The following CDH13 variants were observed in gnomAD, a reference collection of about 807,000 sequenced individuals.
The protein encoded by CDH13 is cadherin 13, also known as cadherin-13.
Under a neutral mutation model 63.8 loss-of-function variants are expected in CDH13, and 24 were observed. The ratio of observed to expected loss-of-function variants is 0.38; its 90% CI spans 0.27 to 0.53. The LOEUF is 0.53. Ranked by LOEUF, CDH13 falls within the 20% of genes least tolerant of loss-of-function variation. CDH13 has a pLI of 0.85. For synonymous variants in CDH13, 503 were observed against 355.3 expected, an observed-to-expected ratio of 1.42 and a Z score of -4.67; for missense variants, 1,049 against 903.1, an observed-to-expected ratio of 1.16 and a Z score of -2.07.
intron 3 of CDH13, among the ~76,000 whole-genome samples, chr16:83,112,523 A>C (rs1480987686): frequency 1.3e-5 from 2 of 152,224 alleles, no homozygotes. Flanking sequence ...TAGGAGTTAG[A>C]AGAAATAGCC....
intron 5 of CDH13, among the ~76,000 whole-genome samples, chr16:83,293,523 C>A (rs1317878999): frequency 1.3e-5 from 2 of 152,160 alleles, no homozygotes; most frequent in Non-Finnish European, 2.9e-5. Context: ...AGAATGTCGT[C>A]ATCTTTATAG....
At chr16:83,561,623 ATTT>A (rs1177010034) in intron 7 of CDH13, among the ~76,000 whole-genome samples, 3 of 152,196 alleles carry the variant, frequency 2.0e-5, no homozygotes, top group Non-Finnish European at 4.4e-5. Flanking sequence ...AAATTCATGT[ATTT>A]TCTACAATGA....
intron 3 of CDH13, among the ~76,000 whole-genome samples, chr16:83,053,821 C>T (rs190726341): frequency 6.2e-4 from 94 of 152,250 alleles, no homozygotes; most frequent in Non-Finnish European, 1.2e-3. Context: ...AGCAGCCCCC[C>T]TTATCTATGG....
chr16:83,421,560 A>G lies in CDH13; in HGVS notation c.782-64917A>G, dbSNP rs1038649766. Reference sequence around the variant, plus strand: ...AAATGAAATGAGATGAGAGTGGGCAATGGAGAGAAGATTCATGATCTTTTC... The same window carrying G: ...AAATGAAATGAGATGAGAGTGGGCAGTGGAGAGAAGATTCATGATCTTTTC... On this transcript the variant is annotated intron_variant, in intron 6 of 13. Coordinates refer to ENST00000567109, the MANE Select transcript of CDH13 (RefSeq NM_001257.5). Among the ~76,000 whole-genome samples, 8 of 152,354 alleles carry G rather than the reference A, an allele frequency of 5.3e-5. 1 individual carries two copies. The highest frequency in any genetic ancestry group is 5.2e-4 in the Admixed American group (8 of 15,302).
At chr16:83,466,294 A>G (rs1250567152) in intron 6 of CDH13, among the ~76,000 whole-genome samples, 1 of 152,246 alleles carries the variant, frequency 6.6e-6, no homozygotes, top group Non-Finnish European at 1.5e-5. Flanking sequence ...GCTGAAGAAG[A>G]GACCCAGAGC....
chr16:83,644,677 C>T lies in CDH13; in HGVS notation c.1102-26113C>T, dbSNP rs547695771. On this transcript the variant is annotated intron_variant, in intron 8 of 13. Coordinates refer to ENST00000567109, the MANE Select transcript of CDH13 (RefSeq NM_001257.5). Reference sequence around the variant, plus strand: ...CCATACAGAGGATGAGGTTCATGGTCCAGAAACGCATCTGGTACTCAAGCG... The same window carrying T: ...CCATACAGAGGATGAGGTTCATGGTTCAGAAACGCATCTGGTACTCAAGCG... Among the ~76,000 whole-genome samples, 17 of 152,300 alleles carry T rather than the reference C, an allele frequency of 1.1e-4. No individual in the cohort carries two copies. The South Asian group carries it at 3.5e-3, about 32-fold the overall frequency.
chr16:83,402,457 C>A (rs915644184), intron 6 of CDH13, among the ~76,000 whole-genome samples: 1 of 152,202 alleles, frequency 6.6e-6, no homozygotes, highest in Non-Finnish European at 1.5e-5. Flanking sequence ...ACTGCATTTA[C>A]CAATCCACAG....
At chr16:83,007,915 C>T (rs1020194219) in intron 2 of CDH13, among the ~76,000 whole-genome samples, 1 of 151,884 alleles carries the variant, frequency 6.6e-6, no homozygotes, top group Non-Finnish European at 1.5e-5. Context: ...CTATACTTGG[C>T]CAAACAACAT....
intron 6 of CDH13, among the ~76,000 whole-genome samples, chr16:83,477,884 T>TA (rs1004877664): frequency 2.5e-4 from 38 of 152,162 alleles, no homozygotes; most frequent in African/African-American, 9.2e-4. Flanking sequence ...CACCTTTTCT[T>TA]AAAAAATCAA....
At chr16:82,683,081 C>A (rs947812084) in intron 1 of CDH13, among the ~76,000 whole-genome samples, 2 of 152,140 alleles carry the variant, frequency 1.3e-5, no homozygotes. Context: ...CAGCTTAAAA[C>A]TAGGGGTTGT....
At chr16:83,439,698 G>A (rs2072427879) in intron 6 of CDH13, among the ~76,000 whole-genome samples, 1 of 152,196 alleles carries the variant, frequency 6.6e-6, no homozygotes, top group Non-Finnish European at 1.5e-5. Flanking sequence ...TGGTCTGATT[G>A]ACTGTGGTCA....
At chr16:83,261,286 A>C (rs1281315104) in intron 5 of CDH13, among the ~76,000 whole-genome samples, 1 of 152,192 alleles carries the variant, frequency 6.6e-6, no homozygotes, top group African/African-American at 2.4e-5. Context: ...AACTCTGTGG[A>C]AAGCTCATTA....
chr16:82,801,992 A>T (rs181060364), intron 1 of CDH13, among the ~76,000 whole-genome samples: 1 of 152,282 alleles, frequency 6.6e-6, no homozygotes, highest in East Asian at 1.9e-4. Context: ...GTGAATGGTA[A>T]TGTCACCTCC....
chr16:82,631,620 G>C (rs1908018584), intron 1 of CDH13, among the ~76,000 whole-genome samples: 1 of 152,198 alleles, frequency 6.6e-6, no homozygotes, highest in Non-Finnish European at 1.5e-5. Context: ...AGCCACCTGG[G>C]ATCCCAGGCC....
At chr16:83,073,107 T>A (rs1461577435) in intron 3 of CDH13, among the ~76,000 whole-genome samples, 1 of 152,150 alleles carries the variant, frequency 6.6e-6, no homozygotes, top group Non-Finnish European at 1.5e-5. Context: ...TGGAACCCCA[T>A]GAACCCCATT....
At chr16:83,443,720 AAAAAAAAAAAAAAAAATAT>A (rs1414662708) in intron 6 of CDH13, among the ~76,000 whole-genome samples, 27 of 92,274 alleles carry the variant, frequency 2.9e-4, no homozygotes, top group South Asian at 1.1e-3. Flanking sequence ...AAAAAAAAAA[AAAAAAAAAAAAAAAAATAT>A]ATATATATAT....
At chr16:83,270,366 T>C (rs1222487395) in intron 5 of CDH13, among the ~76,000 whole-genome samples, 3 of 152,340 alleles carry the variant, frequency 2.0e-5, no homozygotes, top group East Asian at 3.9e-4. Flanking sequence ...TGTGTTTCAC[T>C]GCAATAATAT....
At chr16:82,756,432 C>T (rs938227900) in intron 1 of CDH13, among the ~76,000 whole-genome samples, 1 of 152,114 alleles carries the variant, frequency 6.6e-6, no homozygotes, top group Non-Finnish European at 1.5e-5. Context: ...TGTGTTAAAT[C>T]CTTCTCATGT....
chr16:82,975,564 A>G (rs141991592), intron 2 of CDH13, among the ~76,000 whole-genome samples: 34 of 152,342 alleles, frequency 2.2e-4, no homozygotes, highest in African/African-American at 7.9e-4. Flanking sequence ...AATACAGTGA[A>G]TGGTATAGAG....
Sources: gnomAD v4.1 joint callset for allele counts (sites outside exome capture counted in the v4.1 genomes callset) on GRCh38, gnomAD v4.1.1 for gene constraint, MANE v1.5 for transcripts, NCBI Gene and HGNC (gene_info 2026-07-23, HGNC 2026-07-21) for gene names.